FKBP9: variants seen among roughly 807,000 people sequenced by gnomAD.
FKBP9 encodes the protein peptidyl-prolyl cis-trans isomerase FKBP9.
FKBP9 carries 27 observed loss-of-function variants against 55.6 expected under a neutral mutation model. The observed-to-expected ratio is 0.49, with a 90% CI of 0.36 to 0.67. FKBP9 has a LOEUF of 0.67. FKBP9 is among the 30% of genes least tolerant of loss of function. The probability of loss-of-function intolerance (pLI) is 0.00; values close to 1 mark genes in which losing one functional copy is unlikely to be tolerated. For synonymous variants in FKBP9, 267 were observed against 296.5 expected, an observed-to-expected ratio of 0.90 and a Z score of 1.02; for missense variants, 539 against 742.8, an observed-to-expected ratio of 0.73 and a Z score of 3.19.
chr7:33,000,504 G>A (rs2127989130), intron 8 of FKBP9, among the ~76,000 whole-genome samples: 1 of 151,850 alleles, frequency 6.6e-6, no homozygotes, highest in Non-Finnish European at 1.5e-5. Flanking sequence ...ATAAATCTTG[G>A]ATCTTCAGAC....
intron 7 of FKBP9, among the ~76,000 whole-genome samples, chr7:32,997,040 C>T (rs1332880054): frequency 1.3e-5 from 2 of 151,694 alleles, no homozygotes; most frequent in East Asian, 1.9e-4. Context: ...ATGATCCACC[C>T]GCCTCGGCCT....
intron 5 of FKBP9, among the ~76,000 whole-genome samples, chr7:32,984,438 A>G (rs1239313607): frequency 6.6e-6 from 1 of 152,084 alleles, no homozygotes; most frequent in Non-Finnish European, 1.5e-5. Flanking sequence ...TTGTATTTTT[A>G]GTAGAGATGA....
intron 7 of FKBP9, among the ~76,000 whole-genome samples, chr7:32,998,970 CAAG>C (rs1322640847): frequency 2.6e-5 from 4 of 152,180 alleles, no homozygotes; most frequent in African/African-American, 9.7e-5. Flanking sequence ...AAACTGGCCT[CAAG>C]GAGGAAGAAG....
At chr7:32,987,213 C>T (rs1784596168) in intron 5 of FKBP9, among the ~76,000 whole-genome samples, 1 of 152,122 alleles carries the variant, frequency 6.6e-6, no homozygotes, top group Admixed American at 6.5e-5. Context: ...ATCTTCATGT[C>T]AGGCTGGGTG....
Position 33,005,249 on chromosome 7 carries a change from T to G in FKBP9, c.1611T>G (p.Ile537Met). 1.9e-6 allele frequency: 3 copies of G among 1,614,226 alleles called. No homozygotes were observed. The highest frequency in any genetic ancestry group is 2.5e-6 in the Non-Finnish European group (3 of 1,180,046). ...KLAPGFDAEL[I>M]VKNMFTNQDR... Reference sequence around the variant, plus strand: ...CTCCTGGCTTTGATGCTGAGCTGATTGTGAAGAATATGTTCACCAACCAGG... The same window carrying G: ...CTCCTGGCTTTGATGCTGAGCTGATGGTGAAGAATATGTTCACCAACCAGG... The change falls in exon 10 of 10, where the codon ATT becomes ATG. Residue 537 changes from isoleucine to methionine, a missense_variant. Coordinates refer to ENST00000242209, the MANE Select transcript of FKBP9 (RefSeq NM_007270.5).
chr7:32,996,115 C>A, intron 6 of FKBP9, 48 bp from the exon 7 acceptor site: 1 of 1,577,792 alleles, frequency 6.3e-7, no homozygotes, highest in Non-Finnish European at 8.7e-7. Flanking sequence ...GGCCCATGTG[C>A]TGCAGCCTGC....
intron 7 of FKBP9, among the ~76,000 whole-genome samples, chr7:32,998,342 G>A (rs1467354577): frequency 6.6e-6 from 1 of 152,170 alleles, no homozygotes; most frequent in African/African-American, 2.4e-5. Context: ...GAAAGGGGAA[G>A]TGGGTGTGGG....
At chr7:32,977,901 A>T (rs1295356839) in intron 4 of FKBP9, among the ~76,000 whole-genome samples, 1 of 128,264 alleles carries the variant, frequency 7.8e-6, no homozygotes, top group Non-Finnish European at 1.8e-5. Context: ...ACACTCATAT[A>T]TATATACTCA....
At chr7:32,996,814 G>C (rs111811973) in intron 7 of FKBP9, among the ~76,000 whole-genome samples, 14,597 of 78,122 alleles carry the variant, frequency 0.19, 1,572 homozygotes, top group East Asian at 0.43. Flanking sequence ...TTGAGACGGA[G>C]TCTCGCTCTG....
chr7:32,970,589 A>G (rs1266929017), intron 1 of FKBP9, among the ~76,000 whole-genome samples: 1 of 150,874 alleles, frequency 6.6e-6, no homozygotes, highest in East Asian at 1.9e-4. Flanking sequence ...ATTCTTCTTG[A>G]TGCTATTGTA....
At chr7:32,967,302 C>CT (rs1450421570) in intron 1 of FKBP9, among the ~76,000 whole-genome samples, 13 of 152,224 alleles carry the variant, frequency 8.5e-5, no homozygotes, top group Non-Finnish European at 1.5e-4. Flanking sequence ...GCTATATTCA[C>CT]ACTGTTGTGC....
At chr7:33,004,830 T>C (rs747199140) in intron 9 of FKBP9, among the ~76,000 whole-genome samples, 3 of 152,036 alleles carry the variant, frequency 2.0e-5, no homozygotes, top group Non-Finnish European at 4.4e-5. Context: ...TATGAATGAA[T>C]GCCTGCATCC....
At chr7:32,999,935 C>T (rs1784901169) in intron 7 of FKBP9, among the ~76,000 whole-genome samples, 180 bp from the exon 8 acceptor site, 1 of 152,104 alleles carries the variant, frequency 6.6e-6, no homozygotes, top group Non-Finnish European at 1.5e-5. Context: ...TTGAAGATGA[C>T]AGCCAGACAT....
intron 6 of FKBP9, 43 bp from the exon 7 acceptor site, chr7:32,996,120 G>C: frequency 6.3e-7 from 1 of 1,590,876 alleles, no homozygotes; most frequent in South Asian, 1.1e-5. Context: ...ATGTGCTGCA[G>C]CCTGCAGGGG....
intron 1 of FKBP9, among the ~76,000 whole-genome samples, chr7:32,973,516 T>C (rs1160720429): frequency 1.3e-5 from 2 of 151,722 alleles, no homozygotes; most frequent in African/African-American, 4.9e-5. Flanking sequence ...AGTTTAAGTA[T>C]GTTTTATGCT....
intron 1 of FKBP9, among the ~76,000 whole-genome samples, chr7:32,968,628 A>G (rs1287795207): frequency 1.3e-5 from 2 of 150,190 alleles, no homozygotes; most frequent in South Asian, 2.1e-4. Context: ...GCAGGAGTGC[A>G]ATGGTGTGAT....
Position 32,974,743 on chromosome 7 carries a change from C to G in FKBP9, c.348C>G (p.Ala116=). 6.2e-7 allele frequency: 1 copy of G among 1,613,668 alleles called. No individual in the cohort carries two copies. The highest frequency in any genetic ancestry group is 1.1e-5 in the South Asian group (1 of 91,008). ...RRFVKIPPKL[A]YGNEGVSGVI... is the part of the protein sequence containing the mutation. ...TCGTGAAGATTCCCCCAAAGCTTGC[C>G]TACGGAAATGAAGGAGTTTGTAAGC... Residue 116 remains alanine, a synonymous_variant, in exon 2 of 10, where the codon GCC becomes GCG. Coordinates refer to ENST00000242209, the MANE Select transcript of FKBP9 (RefSeq NM_007270.5).
At chr7:32,995,156 T>C (rs1281592160) in intron 6 of FKBP9, 5 of 152,094 alleles carry the variant, frequency 3.3e-5, no homozygotes, top group Non-Finnish European at 5.9e-5. Context: ...TAGAGACATT[T>C]GGCTGTGTTG....
At chr7:32,960,108 C>CTTCT (rs749293660) in intron 1 of FKBP9, among the ~76,000 whole-genome samples, 2 of 98,630 alleles carry the variant, frequency 2.0e-5, no homozygotes, top group African/African-American at 8.1e-5. Flanking sequence ...TTGTACTTGT[C>CTTCT]TTTTTTTTTT....
Sources: gnomAD v4.1 joint callset for allele counts (sites outside exome capture counted in the v4.1 genomes callset) on GRCh38, gnomAD v4.1.1 for gene constraint, MANE v1.5 for transcripts, NCBI Gene and HGNC (gene_info 2026-07-23, HGNC 2026-07-21) for gene names.